CNOT6: variants seen among roughly 807,000 people sequenced by gnomAD.
The protein encoded by CNOT6 is carbon catabolite repression 4 protein.
A neutral mutation model predicts 61.2 loss-of-function variants in CNOT6; 12 were observed. The ratio of observed to expected loss-of-function variants is 0.20; its 90% CI spans 0.13 to 0.32. CNOT6 has a LOEUF of 0.32. CNOT6 is among the 10% of genes least tolerant of loss of function. The pLI is 1.00. For missense variants in CNOT6, 405 were observed against 663.9 expected (o/e 0.61, Z 4.28); for synonymous variants, 225 against 240.6 (o/e 0.94, Z 0.60).
At chr5:180,562,864 A>G (rs542931725) in intron 4 of CNOT6, among the ~76,000 whole-genome samples, 1 of 152,196 alleles carries the variant, frequency 6.6e-6, no homozygotes, top group South Asian at 2.1e-4. Flanking sequence ...AAGGGTCCTG[A>G]TAAGCTTCAG....
In CNOT6 at chr5:180,576,910, T is replaced by A. The variant is rs982495233; in HGVS notation, c.*2710T>A. 6.6e-6 allele frequency: 1 copy of A among 152,220 alleles called. No individual in the cohort carries two copies. The highest frequency in any genetic ancestry group is 1.5e-5 in the Non-Finnish European group (1 of 68,028). 9.4% of individuals were successfully genotyped at this position (152,220 alleles called of 1,614,324 possible). A position where few individuals can be genotyped will look rare whatever the true frequency, so the allele number is the denominator to read the frequency against. On this transcript the variant is annotated 3_prime_UTR_variant, in exon 12 of 12. Coordinates refer to ENST00000261951, the MANE Select transcript of CNOT6 (RefSeq NM_001370472.1). The stretch of plus-strand genomic sequence containing the variant: ...TCAGTATTTTTGCTGGATAAATCCA[T>A]TTTAGAAATGTCTTACAAAAAGTTT...
At chr5:180,531,877 T>C (rs1435982641) in intron 2 of CNOT6, among the ~76,000 whole-genome samples, 2 of 152,218 alleles carry the variant, frequency 1.3e-5, no homozygotes, top group Admixed American at 6.5e-5. Context: ...CCAGGCACTC[T>C]GCAGGCTGAG....
chr5:180,567,291 G>C, intron 8 of CNOT6, 49 bp downstream of exon 8: 1 of 1,547,656 alleles, frequency 6.5e-7, no homozygotes, highest in African/African-American at 1.4e-5. Context: ...TATTTGCAGG[G>C]TGGGGGCCAA....
chr5:180,549,978 A>G lies in CNOT6; in HGVS notation c.160A>G (p.Thr54Ala), dbSNP rs1759513386. The change falls in exon 3 of 12, where the codon ACA becomes GCA. Residue 54 changes from threonine (T) to alanine (A), a missense_variant. Coordinates refer to ENST00000261951, the MANE Select transcript of CNOT6 (RefSeq NM_001370472.1). The part of the protein sequence containing the change: ...SASLWSLTHL[T>A]ALHLSDNSLS... ...ATCTTTGTGGTCACTAACTCACCTG[A>G]CAGCTTTGCATTTGAGTGACAATTC... is the stretch of plus-strand genomic sequence containing the variant. The G allele has an allele frequency of 6.2e-7, 1 of 1,614,116 alleles. No individual in the cohort carries two copies. Among genetic ancestry groups the G allele is most frequent in the Non-Finnish European group, 8.5e-7 (1 of 1,179,970 alleles).
chr5:180,541,812 C>T (rs1276026813), intron 2 of CNOT6, among the ~76,000 whole-genome samples: 1 of 151,220 alleles, frequency 6.6e-6, no homozygotes, highest in African/African-American at 2.4e-5. Context: ...TGCTCTGTCC[C>T]CCAGGCTGAA....
intron 1 of CNOT6, among the ~76,000 whole-genome samples, chr5:180,524,297 A>T (rs1394352720): frequency 2.0e-5 from 3 of 152,220 alleles, no homozygotes; most frequent in Non-Finnish European, 4.4e-5. Flanking sequence ...TTGATTTCAC[A>T]GCCTTGGGAA....
intron 2 of CNOT6, 141 bp downstream of exon 2, chr5:180,529,529 ACTTAT>A (rs549723549): frequency 1.4e-4 from 93 of 642,314 alleles, no homozygotes; most frequent in East Asian, 1.2e-3. Flanking sequence ...TATTTTAGTA[ACTTAT>A]CTTAGAAGCA....
Position 180,550,181 on chromosome 5 carries a change from G to A in CNOT6, c.299+64G>A, listed in dbSNP as rs143974403. 31 of 1,320,452 alleles carry A rather than the reference G, an allele frequency of 2.3e-5. 1 individual carries two copies. Among genetic ancestry groups the A allele is most frequent in the African/African-American group, 1.9e-4 (13 of 69,364 alleles). The allele number at this position is 1,320,452 out of a possible 1,614,324, so 81.8% of individuals were successfully genotyped here. A position where few individuals can be genotyped will look rare whatever the true frequency, so the allele number is the denominator to read the frequency against. On this transcript the variant is annotated intron_variant, in intron 3 of 11. Transcript: ENST00000261951. ...CCCTAAAACAAAATATAGGCCGGGC[G>A]CAGTGGCTTATGCCTGTAATTCTAG...
intron 1 of CNOT6, among the ~76,000 whole-genome samples, chr5:180,499,184 C>T (rs764812977): frequency 6.6e-6 from 1 of 152,182 alleles, no homozygotes; most frequent in Non-Finnish European, 1.5e-5. Flanking sequence ...AATACAGGGT[C>T]ATTTAAAATC....
rs1761003045 is a variant in CNOT6 at position 180,576,410 on chromosome 5, T to TGCAC, written c.*2211_*2214dup. On this transcript the variant is annotated 3_prime_UTR_variant, in exon 12 of 12. Coordinates refer to ENST00000261951, the MANE Select transcript of CNOT6 (RefSeq NM_001370472.1). ...CTTTTCATAGATGCTGGAACTAGAG[T>TGCAC]GCACTTGTTAGATGCTAAAGGTTTG... 6.6e-6 allele frequency: 1 copy of TGCAC among 152,654 alleles called. No homozygotes were observed. Among genetic ancestry groups the TGCAC allele is most frequent in the Non-Finnish European group, 1.5e-5 (1 of 68,042 alleles). The allele number at this position is 152,654 out of a possible 1,614,324, so 9.5% of individuals were successfully genotyped here. A position where few individuals can be genotyped will look rare whatever the true frequency, so the allele number is the denominator to read the frequency against.
At position 180,575,881 on chromosome 5, in the gene CNOT6, A is replaced by G. The variant is rs1334489506; in HGVS notation, c.*1681A>G. 1 of 150,108 alleles carries G rather than the reference A, an allele frequency of 6.7e-6. No individual in the cohort carries two copies. Among genetic ancestry groups the G allele is most frequent in the African/African-American group, 2.4e-5 (1 of 40,846 alleles). 9.3% of individuals were successfully genotyped at this position (150,108 alleles called of 1,614,324 possible). Reference sequence around the variant, plus strand: ...ATACAGAAAATGAGTCATTTTGGAAATGATTCTTATGTTTTTTTTTTTTCT... The same window carrying G: ...ATACAGAAAATGAGTCATTTTGGAAGTGATTCTTATGTTTTTTTTTTTTCT... On this transcript the variant is annotated 3_prime_UTR_variant, in exon 12 of 12. Coordinates refer to ENST00000261951, the MANE Select transcript of CNOT6 (RefSeq NM_001370472.1).
At chr5:180,573,922 T>G (rs1029314060) in intron 11 of CNOT6, 66 bp from the exon 12 acceptor site, 4 of 1,095,180 alleles carry the variant, frequency 3.7e-6, no homozygotes, top group Admixed American at 3.5e-5. Flanking sequence ...AAGGCATGTC[T>G]TGAAAGCACT....
chr5:180,504,955 AT>A (rs769852255), intron 1 of CNOT6, among the ~76,000 whole-genome samples: 22,831 of 100,892 alleles, frequency 0.23, 1,599 homozygotes, highest in African/African-American at 0.36. Flanking sequence ...GTACTAGTTA[AT>A]TTTTTTTTTT....
chr5:180,559,824 G>A (rs1561660820), intron 4 of CNOT6, among the ~76,000 whole-genome samples: 3 of 151,662 alleles, frequency 2.0e-5, no homozygotes, highest in Admixed American at 1.3e-4. Context: ...CAGTCTATTG[G>A]GGGTTATTTT....
At chr5:180,571,155 T>G in intron 10 of CNOT6, 75 bp from the exon 11 acceptor site, 1 of 1,036,554 alleles carries the variant, frequency 9.6e-7, no homozygotes, top group South Asian at 1.5e-5. Flanking sequence ...AGTTTAAAAC[T>G]TCTTACTATT....
chr5:180,570,058 C>G (rs949478729), intron 10 of CNOT6, among the ~76,000 whole-genome samples: 9 of 152,034 alleles, frequency 5.9e-5, no homozygotes, highest in Non-Finnish European at 7.4e-5. Flanking sequence ...AGATAGAGCC[C>G]TTAGGAAGAA....
At chr5:180,553,307 T>TC in intron 3 of CNOT6, 79 bp from the exon 4 acceptor site, 1 of 946,730 alleles carries the variant, frequency 1.1e-6, no homozygotes, top group South Asian at 1.4e-5. Flanking sequence ...GTGCTTATGT[T>TC]CCTAGAAACT....
At chr5:180,516,748 A>G (rs1174627573) in intron 1 of CNOT6, among the ~76,000 whole-genome samples, 1 of 152,178 alleles carries the variant, frequency 6.6e-6, no homozygotes, top group Non-Finnish European at 1.5e-5. Flanking sequence ...GGGATCATTC[A>G]TTGCATCTGA....
intron 1 of CNOT6, among the ~76,000 whole-genome samples, chr5:180,523,009 C>G (rs1361400693): frequency 6.6e-6 from 1 of 152,140 alleles, no homozygotes; most frequent in African/African-American, 2.4e-5. Context: ...GATGACCTTA[C>G]TTGTGTCTGA....
Sources: allele counts gnomAD v4.1 joint callset (sites outside exome capture counted in the v4.1 genomes callset), GRCh38; gene constraint gnomAD v4.1.1; transcripts MANE v1.5; gene names NCBI Gene and HGNC (gene_info 2026-07-23, HGNC 2026-07-21).